Variants in C2CD5 observed in about 807,000 individuals in gnomAD.
C2CD5 encodes C2 calcium dependent domain containing 5, also known as C2 domain-containing protein 5.
Under a neutral mutation model 130.3 loss-of-function variants are expected in C2CD5, and 109 were observed. That is an observed-to-expected ratio of 0.84 (90% CI 0.72 to 0.98). C2CD5 has a LOEUF of 0.98. Ranked by LOEUF, C2CD5 falls within the 50% of genes least tolerant of loss-of-function variation. The probability of loss-of-function intolerance (pLI) is 0.00; values close to 1 mark genes in which losing one functional copy is unlikely to be tolerated. For missense variants in C2CD5, 996 were observed against 1,261.8 expected (o/e 0.79, Z 3.19); for synonymous variants, 454 against 429.2 (o/e 1.06, Z -0.71).
chr12:22,505,243 C>CTTCT (rs770698354), intron 10 of C2CD5, among the ~76,000 whole-genome samples: 6 of 147,484 alleles, frequency 4.1e-5, no homozygotes, highest in South Asian at 2.1e-4. Flanking sequence ...CATTTTTACC[C>CTTCT]TTCTTTCTTT....
chr12:22,530,111 T>TACACACACAC (rs199603129), intron 3 of C2CD5, among the ~76,000 whole-genome samples: 7 of 87,554 alleles, frequency 8.0e-5, no homozygotes, highest in African/African-American at 3.8e-4. Context: ...TATATATATA[T>TACACACACAC]ACACACACAC....
At chr12:22,517,348 A>T (rs1949837288) in intron 8 of C2CD5, among the ~76,000 whole-genome samples, 1 of 151,866 alleles carries the variant, frequency 6.6e-6, no homozygotes, top group African/African-American at 2.4e-5. Flanking sequence ...GGTATAAAGA[A>T]CTAATCTGAT....
intron 25 of C2CD5, among the ~76,000 whole-genome samples, chr12:22,455,711 G>A (rs1044830855): frequency 1.3e-4 from 20 of 152,114 alleles, no homozygotes; most frequent in African/African-American, 4.8e-4. Context: ...GAAGGATAGA[G>A]TCTCACTCTG....
Position 22,493,018 on chromosome 12 carries a change from G to A in C2CD5, c.1262+205C>T, listed in dbSNP as rs1489655265. Among the ~76,000 whole-genome samples, 4 of 152,198 alleles carry A rather than the reference G, an allele frequency of 2.6e-5. No individual in the cohort carries two copies. The South Asian group carries it at 8.3e-4, about 32-fold the overall frequency. On this transcript the variant is annotated intron_variant, in intron 11 of 26. Transcript: ENST00000446597. ...ATCTCCATTTTAATGTACAAATTGA[G>A]GCTCAGAAGAGTTAAATAACTTTCT... is the stretch of plus-strand genomic sequence containing the variant.
At position 22,478,407 on chromosome 12, in the gene C2CD5, T is replaced by C; in HGVS notation, c.1808A>G (p.Asn603Ser). The change falls in exon 15 of 27, where the codon AAT (asparagine) becomes AGT (serine). Residue 603 changes from asparagine to serine, a missense_variant. Coordinates refer to ENST00000446597, the MANE Select transcript of C2CD5 (RefSeq NM_001286176.2). ...GATGTGTTGTTCATATGAGCCATCA[T>C]TAGGAGTCTTCCCAGCAATCTGAAT... ...GGIQIAGKTP[N>S]DGSYEQHISH... 1 of 1,613,322 alleles carries C rather than the reference T, an allele frequency of 6.2e-7. No individual in the cohort carries two copies. The highest frequency in any genetic ancestry group is 8.5e-7 in the Non-Finnish European group (1 of 1,179,318).
intron 2 of C2CD5, 117 bp downstream of exon 2, chr12:22,543,944 C>T (rs747660015): frequency 2.3e-5 from 17 of 745,364 alleles, no homozygotes; most frequent in African/African-American, 1.7e-4. Flanking sequence ...TGGACAACCA[C>T]GGCCGAAGGG....
chr12:22,474,670 GTA>G (rs1012459048), intron 16 of C2CD5, 79 bp downstream of exon 16: 16 of 955,456 alleles, frequency 1.7e-5, no homozygotes, highest in Non-Finnish European at 2.1e-5. Flanking sequence ...TGATATAAAA[GTA>G]TCATATTAAT....
chr12:22,458,442 T>C, intron 24 of C2CD5, 42 bp downstream of exon 24: 1 of 922,238 alleles, frequency 1.1e-6, no homozygotes. Flanking sequence ...ATCAGGGATA[T>C]GTTTCTCAGA....
At position 22,525,322 on chromosome 12, in the gene C2CD5, C is replaced by T. The variant is rs368582531; in HGVS notation, c.445+288G>A. On this transcript the variant is annotated intron_variant, in intron 5 of 26. Transcript: ENST00000446597. ...TAAAAGCCTGTGTATTTTGGGACAG[C>T]ACCATAGTGCTTAGCCGTAGTGTTC... Among the ~76,000 whole-genome samples the T allele has an allele frequency of 5.9e-4, 90 of 152,262 alleles. 1 individual carries two copies. Among genetic ancestry groups the T allele is most frequent in the African/African-American group, 2.0e-3 (85 of 41,552 alleles).
intron 22 of C2CD5, among the ~76,000 whole-genome samples, chr12:22,467,564 T>C (rs1942291688): frequency 6.6e-6 from 1 of 152,176 alleles, no homozygotes; most frequent in Admixed American, 6.5e-5. Flanking sequence ...ACCCAACGAA[T>C]TTTAAAGGTT....
chr12:22,462,490 G>C (rs1266749236), intron 22 of C2CD5, among the ~76,000 whole-genome samples: 2 of 152,124 alleles, frequency 1.3e-5, no homozygotes, highest in Admixed American at 6.5e-5. Flanking sequence ...ACAGGGCTAT[G>C]GTTTTATAAT....
chr12:22,525,737 C>T (rs1296868163), intron 4 of C2CD5, 32 bp from the exon 5 acceptor site: 1 of 1,017,146 alleles, frequency 9.8e-7, no homozygotes, highest in Non-Finnish European at 1.5e-6. Flanking sequence ...CAAGTTTCTA[C>T]CTTAAGAAAG....
intron 22 of C2CD5, among the ~76,000 whole-genome samples, chr12:22,469,448 G>A (rs1424613782): frequency 6.6e-6 from 1 of 152,026 alleles, no homozygotes; most frequent in Admixed American, 6.6e-5. Flanking sequence ...CCAAACCTTT[G>A]AAAATAAAGC....
chr12:22,484,987 C>T (rs924715307), intron 12 of C2CD5, 99 bp from the exon 13 acceptor site: 6 of 495,504 alleles, frequency 1.2e-5, no homozygotes, highest in Non-Finnish European at 1.7e-5. Context: ...TACTTGTATA[C>T]GAACTATCCA....
chr12:22,489,859 A>G (rs1181650161), intron 12 of C2CD5, among the ~76,000 whole-genome samples: 3 of 152,166 alleles, frequency 2.0e-5, no homozygotes, highest in Non-Finnish European at 4.4e-5. Context: ...GCAAAAAAAA[A>G]TGGACACCTG....
chr12:22,484,941 T>C, intron 12 of C2CD5, 53 bp from the exon 13 acceptor site: 1 of 892,718 alleles, frequency 1.1e-6, no homozygotes, highest in Non-Finnish European at 1.6e-6. Context: ...ACCAATTTTT[T>C]CAAAAATAAT....
At chr12:22,451,057 C>T (rs1418977568) in intron 26 of C2CD5, among the ~76,000 whole-genome samples, 2 of 151,660 alleles carry the variant, frequency 1.3e-5, no homozygotes, top group Admixed American at 6.6e-5. Flanking sequence ...TCTGGTTACA[C>T]ACTCTGGAGT....
chr12:22,528,418 C>G (rs1050078369), intron 3 of C2CD5, among the ~76,000 whole-genome samples: 1 of 152,124 alleles, frequency 6.6e-6, no homozygotes, highest in Non-Finnish European at 1.5e-5. Context: ...TAGTCATTAT[C>G]GAGTTGTTAT....
intron 11 of C2CD5, among the ~76,000 whole-genome samples, 180 bp from the exon 12 acceptor site, chr12:22,490,398 A>T (rs1255731254): frequency 1.3e-5 from 2 of 152,218 alleles, no homozygotes; most frequent in Non-Finnish European, 2.9e-5. Context: ...AAGTAACTTT[A>T]TTTGAATGGA....
Sources: allele counts gnomAD v4.1 joint callset (sites outside exome capture counted in the v4.1 genomes callset), GRCh38; gene constraint gnomAD v4.1.1; transcripts MANE v1.5; gene names NCBI Gene and HGNC (gene_info 2026-07-23, HGNC 2026-07-21).